The following DLEU7 variants were observed in gnomAD, a reference collection of about 807,000 sequenced individuals.
DLEU7 encodes deleted in lymphocytic leukemia 7.
Under a neutral mutation model 16.0 loss-of-function variants are expected in DLEU7, and 17 were observed. The ratio of observed to expected loss-of-function variants is 1.06; its 90% CI spans 0.73 to 1.59. DLEU7 has a LOEUF of 1.59. DLEU7 is among the 40% of genes most tolerant of loss of function. The pLI is 0.00. For synonymous variants in DLEU7, 113 were observed against 139.8 expected (o/e 0.81, Z 1.35); for missense variants, 308 against 314.9 (o/e 0.98, Z 0.17).
At chr13:50,821,995 A>G (rs1008408914), downstream of DLEU7, among the ~76,000 whole-genome samples, 1 of 151,936 alleles carries the variant, frequency 6.6e-6, no homozygotes, top group African/African-American at 2.4e-5. Context: ...GAAGAAATAA[A>G]TGCCCTTTAT....
intron 1 of DLEU7, among the ~76,000 whole-genome samples, chr13:50,738,579 G>T (rs1874151766): frequency 6.6e-6 from 1 of 152,104 alleles, no homozygotes; most frequent in Non-Finnish European, 1.5e-5. Context: ...GAACCTGCCT[G>T]ATTCCAAAGT....
At chr13:50,755,153 G>C (rs2137738572) in intron 1 of DLEU7, among the ~76,000 whole-genome samples, 1 of 152,308 alleles carries the variant, frequency 6.6e-6, no homozygotes, top group Admixed American at 6.5e-5. Flanking sequence ...TAGATACCCT[G>C]ATGACAATGT....
At chr13:50,715,831 G>A (rs984170434) in intron 1 of DLEU7, among the ~76,000 whole-genome samples, 1 of 152,224 alleles carries the variant, frequency 6.6e-6, no homozygotes, top group African/African-American at 2.4e-5. Context: ...CCCTACTGCT[G>A]TTCTGATGTG....
chr13:50,731,361 G>A (rs1291617985), intron 1 of DLEU7, among the ~76,000 whole-genome samples: 1 of 152,146 alleles, frequency 6.6e-6, no homozygotes, highest in Non-Finnish European at 1.5e-5. Context: ...GCCCTCCACT[G>A]GCAACATGTA....
At chr13:50,762,208 A>AAG (rs1555290502) in intron 1 of DLEU7, among the ~76,000 whole-genome samples, 1 of 151,468 alleles carries the variant, frequency 6.6e-6, no homozygotes, top group East Asian at 1.9e-4. Context: ...AAAAAAAAAA[A>AAG]AAAGAAAAGA....
intron 1 of DLEU7, among the ~76,000 whole-genome samples, chr13:50,738,879 A>G (rs1285572487): frequency 1.3e-5 from 2 of 152,002 alleles, no homozygotes; most frequent in Admixed American, 6.6e-5. Flanking sequence ...AACATGATCT[A>G]CAAGTTCTTA....
chr13:50,796,481 T>C (rs777014872), intron 1 of DLEU7, among the ~76,000 whole-genome samples: 2 of 152,220 alleles, frequency 1.3e-5, no homozygotes, highest in Non-Finnish European at 2.9e-5. Flanking sequence ...GATTTCATCA[T>C]GCTACCAGAA....
chr13:50,833,938 G>T (rs1185830993), intron 1 of DLEU7, among the ~76,000 whole-genome samples: 3 of 152,200 alleles, frequency 2.0e-5, no homozygotes, highest in African/African-American at 7.2e-5. Context: ...AAACAATGGG[G>T]AAAGGATTCC....
At chr13:50,762,066 C>A (rs1463148416) in intron 1 of DLEU7, among the ~76,000 whole-genome samples, 2 of 151,576 alleles carry the variant, frequency 1.3e-5, no homozygotes, top group African/African-American at 4.8e-5. Context: ...GTGGTGGGCA[C>A]CTGTAATCCC....
At chr13:50,819,921 A>T (rs961840723), downstream of DLEU7, among the ~76,000 whole-genome samples, 12 of 152,154 alleles carry the variant, frequency 7.9e-5, no homozygotes, top group Non-Finnish European at 1.6e-4. Context: ...AGAGAAAAGG[A>T]CCAAAACTGA....
intron 1 of DLEU7, among the ~76,000 whole-genome samples, chr13:50,753,549 G>A (rs1384971184): frequency 3.3e-5 from 5 of 152,220 alleles, no homozygotes; most frequent in East Asian, 1.9e-4. Flanking sequence ...CCGCTGGCCC[G>A]GTTGCTAAGC....
At chr13:50,746,972 T>G (rs189903418) in intron 1 of DLEU7, among the ~76,000 whole-genome samples, 1 of 144,208 alleles carries the variant, frequency 6.9e-6, no homozygotes, top group Admixed American at 6.9e-5. Context: ...CACACACACA[T>G]GTATAGAGTG....
chr13:50,765,945 T>C (rs577728308), intron 1 of DLEU7, among the ~76,000 whole-genome samples: 2 of 152,222 alleles, frequency 1.3e-5, no homozygotes, highest in African/African-American at 2.4e-5. Context: ...TGAATTCCCA[T>C]TTCATCTAAT....
chr13:50,714,744 G>A (rs995670474), intron 1 of DLEU7, among the ~76,000 whole-genome samples: 2 of 152,156 alleles, frequency 1.3e-5, no homozygotes, highest in Non-Finnish European at 2.9e-5. Flanking sequence ...CAAATAAGAG[G>A]GGGCCTTCAG....
intron 1 of DLEU7, among the ~76,000 whole-genome samples, chr13:50,804,144 G>C (rs1876324585): frequency 6.6e-6 from 1 of 151,980 alleles, no homozygotes; most frequent in Non-Finnish European, 1.5e-5. Context: ...ATGTCAGGTA[G>C]GGCTAGTACC....
chr13:50,738,644 C>T (rs922731408), intron 1 of DLEU7, among the ~76,000 whole-genome samples: 1 of 152,006 alleles, frequency 6.6e-6, no homozygotes, highest in African/African-American at 2.4e-5. Context: ...CACAGCAAAT[C>T]ATACAAAGAT....
At chr13:50,840,465 C>G (rs1172486864) in intron 1 of DLEU7, among the ~76,000 whole-genome samples, 3 of 152,222 alleles carry the variant, frequency 2.0e-5, no homozygotes, top group Admixed American at 6.5e-5. Context: ...TGCAGAGAAA[C>G]TGCTCTCTGC....
chr13:50,801,094 A>C (rs565108268), intron 1 of DLEU7, among the ~76,000 whole-genome samples: 5 of 152,210 alleles, frequency 3.3e-5, no homozygotes, highest in Non-Finnish European at 7.3e-5. Context: ...GTTGTCTACA[A>C]GAAGGTCCCT....
In DLEU7 at chr13:50,793,306, A is replaced by G. The variant is rs140492962; in HGVS notation, c.459+49882T>C. Among the ~76,000 whole-genome samples, 360 of 152,280 alleles carry G rather than the reference A, an allele frequency of 2.4e-3. 1 individual carries two copies. Among genetic ancestry groups the G allele is most frequent in the African/African-American group, 8.2e-3 (340 of 41,556 alleles). ...ATTGATGAGCAACTGGGTTGATTCC[A>G]TACCATTGCTATTGTGAATAGTGCT... On this transcript the variant is annotated intron_variant, in intron 1 of 1. Coordinates refer to the DLEU7 transcript ENST00000400393.
Sources: allele counts gnomAD v4.1 joint callset (sites outside exome capture counted in the v4.1 genomes callset), GRCh38; gene constraint gnomAD v4.1.1; transcripts MANE v1.5; gene names NCBI Gene and HGNC (gene_info 2026-07-23, HGNC 2026-07-21).